Variants in PATJ observed in about 807,000 individuals in gnomAD.
The protein encoded by PATJ is PATJ crumbs cell polarity complex component.
PATJ carries 190 observed loss-of-function variants against 224.9 expected under a neutral mutation model. The observed-to-expected ratio is 0.84, with a 90% confidence interval of 0.75 to 0.95. The LOEUF is 0.95. Among genes scored for constraint, PATJ ranks in the 40% least tolerant of loss-of-function variants. PATJ has a pLI of 0.00. For missense variants in PATJ, 2,121 were observed against 2,270.3 expected, an observed-to-expected ratio of 0.93 and a Z score of 1.34; for synonymous variants, 769 against 820.3, an observed-to-expected ratio of 0.94 and a Z score of 1.07.
intron 22 of PATJ, among the ~76,000 whole-genome samples, chr1:61,886,574 C>G (rs1392324886): frequency 1.3e-5 from 2 of 151,982 alleles, no homozygotes; most frequent in Non-Finnish European, 2.9e-5. Flanking sequence ...AATCCCAGCA[C>G]TTTGGGAGGC....
chr1:62,016,982 A>G (rs1193587434), intron 28 of PATJ, among the ~76,000 whole-genome samples: 1 of 152,246 alleles, frequency 6.6e-6, no homozygotes, highest in Non-Finnish European at 1.5e-5. Context: ...ATCAGGCTTA[A>G]CTACTGCTTT....
At chr1:62,151,398 C>T (rs1668616664) in intron 42 of PATJ, among the ~76,000 whole-genome samples, 1 of 151,724 alleles carries the variant, frequency 6.6e-6, no homozygotes, top group Non-Finnish European at 1.5e-5. Context: ...ACCACCCTGG[C>T]TAACATGGTG....
intron 16 of PATJ, 156 bp from the exon 17 acceptor site, chr1:61,833,498 C>A: frequency 1.6e-6 from 1 of 610,940 alleles, no homozygotes; most frequent in Non-Finnish European, 2.7e-6. Context: ...GTGTGTGCCC[C>A]AGAGCATGCC....
At chr1:62,140,863 C>T (rs534794206) in intron 41 of PATJ, among the ~76,000 whole-genome samples, 3 of 151,490 alleles carry the variant, frequency 2.0e-5, no homozygotes, top group Non-Finnish European at 4.4e-5. Context: ...GAGCTATGAT[C>T]GCACCACTGC....
chr1:61,869,250 G>C (rs1038448341), intron 20 of PATJ, among the ~76,000 whole-genome samples: 2 of 149,498 alleles, frequency 1.3e-5, no homozygotes, highest in Admixed American at 6.6e-5. Context: ...GGGACTACAG[G>C]CGCCCGCCAC....
At chr1:61,875,939 A>T (rs901030495) in intron 21 of PATJ, among the ~76,000 whole-genome samples, 4 of 152,154 alleles carry the variant, frequency 2.6e-5, no homozygotes, top group African/African-American at 7.2e-5. Context: ...TTCATCTAAC[A>T]CTAAAATATT....
chr1:61,787,186 C>G (rs1018961684), intron 7 of PATJ, among the ~76,000 whole-genome samples: 2 of 152,174 alleles, frequency 1.3e-5, no homozygotes, highest in Non-Finnish European at 2.9e-5. Context: ...TAAAGTCAGT[C>G]AGGTAATGTC....
In PATJ at chr1:62,160,964, T is replaced by C; in HGVS notation, c.5559T>C (p.Asn1853=). The change falls in exon 44 of 44, where the codon AAT becomes AAC. Residue 1853 remains asparagine, a synonymous_variant. Transcript: ENST00000642238. The part of the protein sequence containing the change: ...LKRGDQILAV[N]GETLEGVTHE... Reference sequence around the variant, plus strand: ...GAGGGGATCAGATTTTAGCTGTTAATGGCGAGACCCTGGAAGGTGTTACTC... The same window carrying C: ...GAGGGGATCAGATTTTAGCTGTTAACGGCGAGACCCTGGAAGGTGTTACTC... The C allele has an allele frequency of 6.2e-7, 1 of 1,614,000 alleles. No individual in the cohort carries two copies. The highest frequency in any genetic ancestry group is 8.5e-7 in the Non-Finnish European group (1 of 1,179,984).
intron 30 of PATJ, among the ~76,000 whole-genome samples, chr1:62,041,801 C>T (rs920387560): frequency 4.6e-5 from 7 of 152,012 alleles, no homozygotes; most frequent in East Asian, 3.9e-4. Context: ...GAGGCCGAGG[C>T]GGGTGGATCA....
chr1:62,123,524 C>G (rs2476192), intron 39 of PATJ, among the ~76,000 whole-genome samples: 60,830 of 130,720 alleles, frequency 0.47, 15,714 homozygotes, highest in Middle Eastern at 0.62. Flanking sequence ...GTCACCCAGG[C>G]TAGAGTGCAC....
At chr1:62,122,991 TA>T in intron 38 of PATJ, 29 bp from the exon 39 acceptor site, 2 of 1,474,414 alleles carry the variant, frequency 1.4e-6, no homozygotes, top group Non-Finnish European at 1.9e-6. Flanking sequence ...TTTTTAATAT[TA>T]AAAAGTTAAT....
intron 17 of PATJ, among the ~76,000 whole-genome samples, chr1:61,839,347 G>T (rs1298105472): frequency 1.3e-5 from 2 of 151,782 alleles, no homozygotes; most frequent in African/African-American, 2.4e-5. Context: ...AGTTTAGCAG[G>T]TATTAAAAAT....
chr1:61,977,922 AAAT>A (rs1644231127), intron 27 of PATJ, among the ~76,000 whole-genome samples: 1 of 151,896 alleles, frequency 6.6e-6, no homozygotes. Flanking sequence ...TTTTTAATAA[AAAT>A]AAGTTGATTG....
intron 7 of PATJ, among the ~76,000 whole-genome samples, chr1:61,785,490 A>G (rs1648309847): frequency 6.6e-6 from 1 of 152,214 alleles, no homozygotes; most frequent in African/African-American, 2.4e-5. Flanking sequence ...GACCTTGGTC[A>G]AGTCAGTCAA....
At chr1:61,779,601 T>C (rs915306947) in intron 7 of PATJ, among the ~76,000 whole-genome samples, 2 of 152,214 alleles carry the variant, frequency 1.3e-5, no homozygotes, top group Non-Finnish European at 2.9e-5. Flanking sequence ...TTAACTGTTA[T>C]ACCATCATTA....
chr1:61,774,119 CAAAAAAAAAA>C (rs35357345), intron 6 of PATJ, among the ~76,000 whole-genome samples: 1 of 68,856 alleles, frequency 1.5e-5, no homozygotes, highest in African/African-American at 6.3e-5. Context: ...GACTCCATCT[CAAAAAAAAAA>C]AAAAAAAAAA....
At chr1:62,043,988 A>G (rs779119122) in intron 30 of PATJ, among the ~76,000 whole-genome samples, 1 of 152,156 alleles carries the variant, frequency 6.6e-6, no homozygotes, top group Admixed American at 6.5e-5. Context: ...CCCTCGAGAC[A>G]GTGCTGGAAT....
chr1:62,026,903 T>C (rs1310993979), intron 29 of PATJ, among the ~76,000 whole-genome samples: 2 of 152,176 alleles, frequency 1.3e-5, no homozygotes, highest in African/African-American at 4.8e-5. Flanking sequence ...GGAAGAGATA[T>C]TTCTATTTCC....
intron 24 of PATJ, among the ~76,000 whole-genome samples, chr1:61,904,792 G>T (rs1308961901): frequency 6.6e-6 from 1 of 152,126 alleles, no homozygotes; most frequent in East Asian, 1.9e-4. Context: ...CCAGTTTTCT[G>T]TTTCTTGATG....
Sources: gnomAD v4.1 joint callset for allele counts (sites outside exome capture counted in the v4.1 genomes callset) on GRCh38, gnomAD v4.1.1 for gene constraint, MANE v1.5 for transcripts, NCBI Gene and HGNC (gene_info 2026-07-23, HGNC 2026-07-21) for gene names.